The following TRPC4AP variants were observed in gnomAD, a reference collection of about 807,000 sequenced individuals.
TRPC4AP encodes the protein short transient receptor potential channel 4-associated protein.
TRPC4AP carries 45 observed loss-of-function variants against 99.0 expected under a neutral mutation model. That is an observed-to-expected ratio of 0.45 (90% CI 0.36 to 0.58). TRPC4AP has a LOEUF of 0.58. Ranked by LOEUF, TRPC4AP falls within the 20% of genes least tolerant of loss-of-function variation. TRPC4AP has a pLI of 0.00. For missense variants in TRPC4AP, 879 were observed against 985.3 expected (o/e 0.89, Z 1.44); for synonymous variants, 408 against 385.8 (o/e 1.06, Z -0.67).
intron 18 of TRPC4AP, 47 bp from the exon 19 acceptor site, chr20:35,003,330 A>T (rs370295838): frequency 2.1e-5 from 34 of 1,613,440 alleles, no homozygotes; most frequent in Non-Finnish European, 2.1e-5. Flanking sequence ...GACCCAGGTC[A>T]AGCCCAGCAC....
At chr20:35,003,335 C>T (rs1408317921) in intron 18 of TRPC4AP, 52 bp from the exon 19 acceptor site, 27 of 1,613,436 alleles carry the variant, frequency 1.7e-5, no homozygotes, top group Admixed American at 3.3e-5. Flanking sequence ...AGGTCAAGCC[C>T]AGCACCGGGA....
chr20:35,061,648 T>C (rs1050028320), intron 3 of TRPC4AP, among the ~76,000 whole-genome samples: 6 of 152,214 alleles, frequency 3.9e-5, no homozygotes, highest in Non-Finnish European at 8.8e-5. Flanking sequence ...CTGTGACAAC[T>C]GGATAGTCAC....
Position 35,051,849 on chromosome 20 carries a change from C to T in TRPC4AP, c.529-1855G>A, listed in dbSNP as rs139594595. 5.3e-3 allele frequency among the ~76,000 whole-genome samples: 801 copies of T among 152,238 alleles called. 5 individuals carry two copies. The highest frequency in any genetic ancestry group is 0.017 in the African/African-American group (711 of 41,544). ...CTAACTAGCTACCCTTGACTACCCA[C>T]CTTTCTCCTCTCTTCAATTTATCAA... On this transcript the variant is annotated intron_variant, in intron 5 of 18. Transcript: ENST00000252015.
intron 8 of TRPC4AP, among the ~76,000 whole-genome samples, chr20:35,033,147 T>C (rs373685367): frequency 2.0e-5 from 3 of 152,272 alleles, no homozygotes; most frequent in African/African-American, 4.8e-5. Flanking sequence ...TGAGCCGAGA[T>C]TGTGCCACTG....
intron 1 of TRPC4AP, 72 bp downstream of exon 1, chr20:35,092,542 G>T: frequency 7.1e-7 from 1 of 1,405,312 alleles, no homozygotes; most frequent in African/African-American, 1.5e-5. Context: ...GCCTGGAAAG[G>T]CCTCTTCCCC....
At chr20:35,048,012 TAC>T (rs569100359) in intron 6 of TRPC4AP, among the ~76,000 whole-genome samples, 15 of 152,140 alleles carry the variant, frequency 9.9e-5, no homozygotes, top group Non-Finnish European at 2.2e-4. Context: ...TTTCCACTGA[TAC>T]ACACACTCAC....
intron 9 of TRPC4AP, among the ~76,000 whole-genome samples, chr20:35,019,847 G>C (rs2082845700): frequency 6.6e-6 from 1 of 152,130 alleles, no homozygotes; most frequent in Non-Finnish European, 1.5e-5. Flanking sequence ...CTCCCAAAGT[G>C]ATACCTCCAG....
At chr20:35,086,274 A>C (rs17404569) in intron 1 of TRPC4AP, among the ~76,000 whole-genome samples, 60,019 of 151,612 alleles carry the variant, frequency 0.4, 13,007 homozygotes, top group East Asian at 0.59. Context: ...AGATATCTTA[A>C]AGGATAATAA....
intron 2 of TRPC4AP, among the ~76,000 whole-genome samples, chr20:35,072,753 C>A (rs188984034): frequency 6.6e-6 from 1 of 152,254 alleles, no homozygotes; most frequent in Non-Finnish European, 1.5e-5. Flanking sequence ...TTAGGATTGT[C>A]TTGGCAATGT....
intron 10 of TRPC4AP, among the ~76,000 whole-genome samples, chr20:35,013,576 C>G (rs532602484): frequency 4.6e-5 from 7 of 152,170 alleles, no homozygotes; most frequent in African/African-American, 1.7e-4. Context: ...AGACTCTGTC[C>G]CAAAAATCCA....
At position 35,003,473 on chromosome 20, in the gene TRPC4AP, G is replaced by A. The variant is rs200707079; in HGVS notation, c.2193C>T (p.Asn731=). ...AGTGCTGCTGCCAGAAGCGCAGCAG[G>A]TTGTGGAAGTTGTTGAGCAGGAAGC... ...YPGFLLNNFH[N]LLRFWQQHYL... The change falls in exon 18 of 19, where the codon AAC becomes AAT. Residue 731 remains asparagine (N), a synonymous_variant. Transcript: ENST00000252015. 50 of 1,614,122 alleles carry A rather than the reference G, an allele frequency of 3.1e-5. 1 individual carries two copies. In the East Asian group the frequency reaches 1.0e-3, roughly 32 times the overall value.
intron 9 of TRPC4AP, 62 bp downstream of exon 9, chr20:35,021,128 A>G: frequency 6.4e-7 from 1 of 1,568,242 alleles, no homozygotes; most frequent in Non-Finnish European, 8.7e-7. Context: ...AGCACCTGGC[A>G]TACCATGAGC....
intron 1 of TRPC4AP, among the ~76,000 whole-genome samples, chr20:35,090,083 CAG>C (rs1362714730): frequency 7.7e-6 from 1 of 130,556 alleles, no homozygotes; most frequent in Non-Finnish European, 1.6e-5. Context: ...GCCTGGGTGA[CAG>C]AGCAAGATTC....
chr20:35,078,076 A>T lies in TRPC4AP; in HGVS notation c.267T>A (p.Ser89Arg). ...GGATGTTTTGACACTCAACAAAGTC[A>T]CTGTGGAGGTGGCTGGTGGTGTGCA... is the stretch of plus-strand genomic sequence containing the variant. ...LKLHTTSHLH[S>R]DFVECQNILK... Residue 89 changes from serine to arginine, a missense_variant, in exon 2 of 19, where the codon AGT becomes AGA. By Grantham distance (110) the Ser-to-Arg change is moderately radical. This residue lies in a region of TRPC4AP where 603 missense variants were observed against 631.8 expected (regional missense o/e 0.95). Coordinates refer to ENST00000252015, the MANE Select transcript of TRPC4AP (RefSeq NM_015638.3). The T allele has an allele frequency of 6.2e-7, 1 of 1,613,874 alleles. No individual in the cohort carries two copies. Among genetic ancestry groups the T allele is most frequent in the African/African-American group, 1.3e-5 (1 of 75,040 alleles).
At chr20:35,045,933 T>C (rs1172077811) in intron 6 of TRPC4AP, among the ~76,000 whole-genome samples, 1 of 152,188 alleles carries the variant, frequency 6.6e-6, no homozygotes, top group Non-Finnish European at 1.5e-5. Context: ...CCTCCTAAAC[T>C]GCTGGGATTA....
intron 3 of TRPC4AP, 79 bp from the exon 4 acceptor site, chr20:35,057,650 G>A (rs913307069): frequency 1.3e-5 from 15 of 1,179,280 alleles, no homozygotes; most frequent in Non-Finnish European, 1.7e-5. Flanking sequence ...AACCATTCAT[G>A]GCCCATGTAT....
intron 7 of TRPC4AP, among the ~76,000 whole-genome samples, chr20:35,037,708 G>A (rs1172025506): frequency 6.6e-6 from 1 of 152,150 alleles, no homozygotes; most frequent in African/African-American, 2.4e-5. Flanking sequence ...CTGCATTAAC[G>A]CTGTTGCGGT....
At chr20:35,048,128 C>A (rs1395654837) in intron 6 of TRPC4AP, among the ~76,000 whole-genome samples, 1 of 151,428 alleles carries the variant, frequency 6.6e-6, no homozygotes, top group Non-Finnish European at 1.5e-5. Context: ...CCATTTCTTT[C>A]TTGTCTGTGA....
At chr20:35,008,627 C>A in intron 13 of TRPC4AP, 37 bp downstream of exon 13, 1 of 1,581,446 alleles carries the variant, frequency 6.3e-7, no homozygotes, top group Non-Finnish European at 8.7e-7. Context: ...GGCTCTGCAG[C>A]CCCGCAGAAT....
Sources: allele counts gnomAD v4.1 joint callset (sites outside exome capture counted in the v4.1 genomes callset), GRCh38; gene constraint gnomAD v4.1.1; regional missense constraint gnomAD v4.1.1; transcripts MANE v1.5; gene names NCBI Gene and HGNC (gene_info 2026-07-23, HGNC 2026-07-21).